CAST: variants seen among roughly 807,000 people sequenced by gnomAD.
CAST encodes calpastatin, also known as MIR583 host.
CAST carries 76 observed loss-of-function variants against 119.6 expected under a neutral mutation model. The observed-to-expected ratio is 0.64, with a 90% CI of 0.53 to 0.77. The LOEUF is 0.77. Ranked by LOEUF, CAST falls within the 30% of genes least tolerant of loss-of-function variation. The probability of loss-of-function intolerance (pLI) is 0.00; values close to 1 mark genes in which losing one functional copy is unlikely to be tolerated. For missense variants in CAST, 953 were observed against 946.5 expected (o/e 1.01, Z -0.09); for synonymous variants, 319 against 331.6 (o/e 0.96, Z 0.41).
the CAST span, among the ~76,000 whole-genome samples, chr5:96,265,839 G>T: frequency 6.6e-6 from 1 of 151,992 alleles, no homozygotes; most frequent in Non-Finnish European, 1.5e-5. Context: ...AAATTTTGCT[G>T]TTTGTTTTAA....
the CAST span, chr5:96,110,918 T>C: frequency 1.3e-5 from 2 of 152,162 alleles, no homozygotes; most frequent in African/African-American, 2.4e-5. Flanking sequence ...TGACACCAAG[T>C]ATATGGATTT....
intron 1 of CAST, among the ~76,000 whole-genome samples, chr5:96,603,914 C>A (rs1362203339): frequency 6.6e-6 from 1 of 151,846 alleles, no homozygotes; most frequent in African/African-American, 2.4e-5. Context: ...CAGGTGCATG[C>A]CACCATGCCA....
Position 96,757,642 on chromosome 5 carries a change from T to A in CAST, c.1821T>A (p.Asn607Lys). ...CTGAGGACTTCTCTGGTCCACAAAA[T>A]GCTTCATCTCTTGTAAGTCCAAAAC... ...ALSEDFSGPQ[N>K]ASSLKFEDAK... is the part of the protein sequence containing the mutation. Residue 607 changes from asparagine (N) to lysine (K), a missense_variant, in exon 24 of 32, where the codon AAT becomes AAA. Physicochemically the swap from Asn to Lys is moderately conservative, Grantham distance 94. Coordinates refer to ENST00000675179, the MANE Select transcript of CAST (RefSeq NM_001750.7). 1 of 1,611,174 alleles carries A rather than the reference T, an allele frequency of 6.2e-7. No homozygotes were observed. Among genetic ancestry groups the A allele is most frequent in the Non-Finnish European group, 8.5e-7 (1 of 1,177,430 alleles).
chr5:96,627,115 T>TC (rs1249110252), intron 1 of CAST, among the ~76,000 whole-genome samples: 1 of 152,196 alleles, frequency 6.6e-6, no homozygotes, highest in East Asian at 1.9e-4. Context: ...GAAATAGCAT[T>TC]CCAGGAGGCA....
the CAST span, among the ~76,000 whole-genome samples, chr5:96,010,799 CT>C: frequency 1.3e-5 from 2 of 152,034 alleles, no homozygotes; most frequent in Non-Finnish European, 2.9e-5. Flanking sequence ...TGTAATTTTC[CT>C]TGTAGAGATC....
chr5:96,713,116 C>A (rs921050064), intron 3 of CAST, among the ~76,000 whole-genome samples: 3 of 150,468 alleles, frequency 2.0e-5, no homozygotes, highest in Non-Finnish European at 4.4e-5. Flanking sequence ...GATTGTTCAG[C>A]AGACCTCAGA....
the CAST span, among the ~76,000 whole-genome samples, chr5:96,193,022 T>C: frequency 6.6e-6 from 1 of 152,238 alleles, no homozygotes; most frequent in Non-Finnish European, 1.5e-5. Flanking sequence ...TGAAAATTAC[T>C]AACTAGTAAT....
chr5:96,108,270 A>G, the CAST span, among the ~76,000 whole-genome samples: 4 of 152,232 alleles, frequency 2.6e-5, no homozygotes, highest in African/African-American at 4.8e-5. Flanking sequence ...CTGGTGAGGA[A>G]CTGCGTTCCT....
the CAST span, among the ~76,000 whole-genome samples, chr5:96,118,103 T>C: frequency 6.6e-6 from 1 of 152,210 alleles, no homozygotes; most frequent in Non-Finnish European, 1.5e-5. Flanking sequence ...TTCAAATGTT[T>C]ACATGAGTTG....
At chr5:96,019,359 G>A in the CAST span, among the ~76,000 whole-genome samples, 2 of 152,134 alleles carry the variant, frequency 1.3e-5, no homozygotes, top group African/African-American at 4.8e-5. Flanking sequence ...ACTATGTAAA[G>A]CAATACTTCT....
Position 96,663,206 on chromosome 5 carries a change from G to C in CAST, c.75+709G>C, listed in dbSNP as rs908085404. 3 of 702,596 alleles carry C rather than the reference G, an allele frequency of 4.3e-6. No homozygotes were observed. In the African/African-American group the frequency reaches 5.2e-5, roughly 12 times the overall value. The allele number at this position is 702,596 out of a possible 1,614,324, so 43.5% of individuals were successfully genotyped here. Reference sequence around the variant, plus strand: ...TTGTGCCTGGGCAGGACCCGGAAGGGAGTGTGTTGGAAGGGAGTGTGTTTG... The same window carrying C: ...TTGTGCCTGGGCAGGACCCGGAAGGCAGTGTGTTGGAAGGGAGTGTGTTTG... On this transcript the variant is annotated intron_variant, in intron 1 of 31. Transcript: ENST00000675179.
chr5:96,567,275 C>T (rs1746484239), intron 1 of CAST, among the ~76,000 whole-genome samples: 1 of 152,130 alleles, frequency 6.6e-6, no homozygotes, highest in Non-Finnish European at 1.5e-5. Context: ...GATGATGGTT[C>T]CACATTACAA....
chr5:96,749,190 T>G (rs1025402625), intron 19 of CAST, among the ~76,000 whole-genome samples: 1 of 152,220 alleles, frequency 6.6e-6, no homozygotes, highest in African/African-American at 2.4e-5. Flanking sequence ...AACTAAAGTC[T>G]TACTCATCTT....
the CAST span, among the ~76,000 whole-genome samples, chr5:96,127,350 T>TA: frequency 6.6e-6 from 1 of 152,100 alleles, no homozygotes; most frequent in Non-Finnish European, 1.5e-5. Context: ...TATTTCATTT[T>TA]AAAAATCTAC....
At chr5:96,379,893 T>A in the CAST span, among the ~76,000 whole-genome samples, 1 of 152,152 alleles carries the variant, frequency 6.6e-6, no homozygotes, top group Non-Finnish European at 1.5e-5. Context: ...AGTTATTACC[T>A]GAGTGCCAGT....
the CAST span, among the ~76,000 whole-genome samples, chr5:96,471,371 T>C: frequency 6.6e-6 from 1 of 152,280 alleles, no homozygotes; most frequent in African/African-American, 2.4e-5. Context: ...CCTTTTACAA[T>C]TGAATTGCAA....
chr5:96,459,945 T>C, the CAST span, among the ~76,000 whole-genome samples: 1 of 152,152 alleles, frequency 6.6e-6, no homozygotes, highest in Non-Finnish European at 1.5e-5. Context: ...CTTCTGCCCA[T>C]ACCATACGGT....
chr5:95,978,753 A>G, the CAST span, among the ~76,000 whole-genome samples: 1 of 152,322 alleles, frequency 6.6e-6, no homozygotes, highest in East Asian at 1.9e-4. Context: ...CCACTGTTCT[A>G]CAGTATTATA....
At chr5:96,343,279 A>T in the CAST span, among the ~76,000 whole-genome samples, 4 of 152,202 alleles carry the variant, frequency 2.6e-5, no homozygotes, top group African/African-American at 9.6e-5. Context: ...ATCTCACAAT[A>T]CTGGCACCTA....
Sources: allele counts gnomAD v4.1 joint callset (sites outside exome capture counted in the v4.1 genomes callset), GRCh38; gene constraint gnomAD v4.1.1; transcripts MANE v1.5; gene names NCBI Gene and HGNC (gene_info 2026-07-23, HGNC 2026-07-21).